The following IPPK variants were observed in gnomAD, a reference collection of about 807,000 sequenced individuals.
IPPK encodes inositol-pentakisphosphate 2-kinase.
IPPK carries 22 observed loss-of-function variants against 64.6 expected under a neutral mutation model. That is an observed-to-expected ratio of 0.34 (90% confidence interval 0.24 to 0.49). The LOEUF (loss-of-function observed/expected upper bound fraction) is 0.49. Among genes scored for constraint, IPPK ranks in the 20% least tolerant of loss-of-function variants. IPPK has a pLI of 0.99. For synonymous variants in IPPK, 262 were observed against 247.2 expected (o/e 1.06, Z -0.56); for missense variants, 532 against 630.7 (o/e 0.84, Z 1.68).
intron 12 of IPPK, chr9:92,616,715 GATTA>G (rs1166981684): frequency 2.6e-5 from 4 of 152,342 alleles, no homozygotes; most frequent in African/African-American, 9.7e-5. Flanking sequence ...AACAAGATGT[GATTA>G]ATTATTTGCC....
intron 1 of IPPK, among the ~76,000 whole-genome samples, chr9:92,665,495 T>C (rs550446213): frequency 2.4e-4 from 37 of 152,268 alleles, no homozygotes; most frequent in African/African-American, 8.9e-4. Context: ...GAACAGAAAT[T>C]AGTAAATCAA....
chr9:92,625,214 A>T (rs894364349), intron 11 of IPPK, among the ~76,000 whole-genome samples: 1 of 152,248 alleles, frequency 6.6e-6, no homozygotes, highest in East Asian at 1.9e-4. Flanking sequence ...AAAGTTTAGA[A>T]AATTAAAATA....
At chr9:92,655,248 T>C (rs981255943) in intron 3 of IPPK, among the ~76,000 whole-genome samples, 2 of 152,194 alleles carry the variant, frequency 1.3e-5, no homozygotes, top group Non-Finnish European at 2.9e-5. Context: ...CGTGGCCCTG[T>C]GTGGCCCTGC....
chr9:92,649,389 T>G (rs1852211983), intron 5 of IPPK, 64 bp downstream of exon 5: 2 of 1,600,940 alleles, frequency 1.2e-6, no homozygotes, highest in Non-Finnish European at 1.7e-6. Flanking sequence ...ACGTGACTCT[T>G]GGACTTACTA....
rs1309527032 is a variant in IPPK, at chr9:92,658,665, C to T, written c.98G>A (p.Arg33Gln). ...VAHAQRCVVL[R>Q]FLKFPPNRKK... is the part of the protein sequence containing the mutation. The stretch of plus-strand genomic sequence containing the variant: ...CCTATTTGGAGGAAACTTCAGAAAC[C>T]GCAGCACGACGCAGCGCTGTTGGAA... Residue 33 changes from arginine to glutamine, a missense_variant, in exon 2 of 13, where the codon CGG (arginine) becomes CAG (glutamine). By Grantham distance (43) the Arg-to-Gln change is conservative. Coordinates refer to ENST00000287996, the MANE Select transcript of IPPK (RefSeq NM_022755.6). 16 of 1,613,856 alleles carry T rather than the reference C, an allele frequency of 9.9e-6. No homozygotes were observed. The highest frequency in any genetic ancestry group is 1.3e-5 in the African/African-American group (1 of 74,930).
chr9:92,667,848 A>T (rs1852631627), intron 1 of IPPK, among the ~76,000 whole-genome samples: 1 of 152,090 alleles, frequency 6.6e-6, no homozygotes, highest in Non-Finnish European at 1.5e-5. Context: ...GGTTGCAGTG[A>T]ACCAAGATTG....
rs182158387 is a variant in IPPK, at chr9:92,633,518, G to A, written c.1170+868C>T. On this transcript the variant is annotated intron_variant, in intron 11 of 12. Transcript: ENST00000287996. Reference sequence around the variant, plus strand: ...TGGGACTCTAGGCACACGCCACTACGTCCAGCTAATTTTTTAATTTTTCTT... The same window carrying A: ...TGGGACTCTAGGCACACGCCACTACATCCAGCTAATTTTTTAATTTTTCTT... Among the ~76,000 whole-genome samples, 130 of 152,166 alleles carry A rather than the reference G, an allele frequency of 8.5e-4. 1 individual carries two copies. The highest frequency in any genetic ancestry group is 9.1e-4 in the Non-Finnish European group (62 of 68,012).
At chr9:92,638,400 A>C in intron 8 of IPPK, 120 bp from the exon 9 acceptor site, 1 of 1,166,644 alleles carries the variant, frequency 8.6e-7, no homozygotes, top group South Asian at 1.5e-5. Flanking sequence ...GATGCTGTCC[A>C]CCCAATCTGG....
intron 1 of IPPK, among the ~76,000 whole-genome samples, chr9:92,668,312 C>A (rs1414632942): frequency 6.6e-6 from 1 of 152,082 alleles, no homozygotes; most frequent in African/African-American, 2.4e-5. Flanking sequence ...ACAATCAGAG[C>A]TGTGCAACAG....
chr9:92,629,621 G>A (rs1851797161), intron 11 of IPPK, among the ~76,000 whole-genome samples: 2 of 151,026 alleles, frequency 1.3e-5, no homozygotes, highest in South Asian at 4.2e-4. Context: ...GGATGGTGGT[G>A]TGCACTTATA....
intron 1 of IPPK, among the ~76,000 whole-genome samples, chr9:92,668,314 G>A (rs1852645664): frequency 6.6e-6 from 1 of 152,116 alleles, no homozygotes. Context: ...AATCAGAGCT[G>A]TGCAACAGGG....
intron 1 of IPPK, among the ~76,000 whole-genome samples, chr9:92,665,434 G>A (rs1265235458): frequency 6.6e-6 from 1 of 152,238 alleles, no homozygotes; most frequent in Admixed American, 6.5e-5. Flanking sequence ...ATATCTTTGT[G>A]TATAAGATCT....
chr9:92,664,602 T>C (rs1187533702), intron 1 of IPPK, among the ~76,000 whole-genome samples: 15 of 152,126 alleles, frequency 9.9e-5, no homozygotes, highest in Non-Finnish European at 2.1e-4. Flanking sequence ...ACCTCGTGCA[T>C]GGGGCTGACC....
chr9:92,635,287 G>A lies in IPPK; in HGVS notation c.938C>T (p.Ser313Leu), dbSNP rs369210321. ...CAGAAGACAGCCCTTCGGTAACCCC[G>A]AGCGCTCTGGGGTGTTTTTTCCTAC... Reference protein sequence around the residue: ...RCQGKNTPERSGLPKGCLLYK... With the variant: ...RCQGKNTPERLGLPKGCLLYK... Residue 313 changes from serine (S) to leucine (L), a missense_variant, in exon 10 of 13, where the codon TCG (serine) becomes TTG (leucine). Physicochemically the swap from Ser to Leu is moderately radical, Grantham distance 145 (BLOSUM62 -2). Coordinates refer to ENST00000287996, the MANE Select transcript of IPPK (RefSeq NM_022755.6). This position sits in a 1 kb window ranked among gnomAD's most constrained non-coding sequence, Gnocchi z 4.4. 2.5e-5 allele frequency: 41 copies of A among 1,613,354 alleles called. No individual in the cohort carries two copies. Among genetic ancestry groups the A allele is most frequent in the East Asian group, 2.5e-4 (11 of 44,880 alleles).
At chr9:92,634,744 G>A (rs904856445) in intron 10 of IPPK, among the ~76,000 whole-genome samples, 16 of 152,176 alleles carry the variant, frequency 1.1e-4, no homozygotes, top group African/African-American at 3.6e-4. Flanking sequence ...ATGCAAGGAA[G>A]ACCAGCGAGG....
At chr9:92,638,710 C>T (rs190081417) in intron 8 of IPPK, among the ~76,000 whole-genome samples, 2 of 152,368 alleles carry the variant, frequency 1.3e-5, no homozygotes, top group East Asian at 3.9e-4. Flanking sequence ...GCACCACAAA[C>T]GAGTGTGTCC....
At position 92,669,881 on chromosome 9, in the gene IPPK, G is replaced by GACCTGCGCCGCACGTCCACCGCTC. The variant is rs769632624; in HGVS notation, c.81+3_81+26dup. 31 of 1,578,094 alleles carry GACCTGCGCCGCACGTCCACCGCTC rather than the reference G, an allele frequency of 2.0e-5. No individual in the cohort carries two copies. The East Asian group carries it at 6.3e-4, about 32-fold the overall frequency. ...TACCGGCCGTCGGAGTGAGGTACCGGACCTGCGCCGCACGTCCACCGCTCA... is the reference window on the plus strand; with the variant it reads ...TACCGGCCGTCGGAGTGAGGTACCGGACCTGCGCCGCACGTCCACCGCTCACCTGCGCCGCACGTCCACCGCTCA... On this transcript the variant is annotated intron_variant, in intron 1 of 12. Coordinates refer to ENST00000287996, the MANE Select transcript of IPPK (RefSeq NM_022755.6).
intron 9 of IPPK, among the ~76,000 whole-genome samples, chr9:92,636,148 A>C (rs1851938960): frequency 2.0e-5 from 3 of 152,204 alleles, no homozygotes; most frequent in African/African-American, 7.2e-5. Context: ...ATCTCCCACA[A>C]AGAACCAAAC....
At chr9:92,646,408 C>A (rs1323670539) in intron 6 of IPPK, among the ~76,000 whole-genome samples, 1 of 152,206 alleles carries the variant, frequency 6.6e-6, no homozygotes, top group African/African-American at 2.4e-5. Context: ...AGAGTGAAAT[C>A]ATGCAAACAA....
Sources: gnomAD v4.1 joint callset for allele counts (sites outside exome capture counted in the v4.1 genomes callset) on GRCh38, gnomAD v4.1.1 for gene constraint, Gnocchi (gnomAD v3.1) non-coding constraint, MANE v1.5 for transcripts, NCBI Gene and HGNC (gene_info 2026-07-23, HGNC 2026-07-21) for gene names.